CDKAL1: variants seen among roughly 807,000 people sequenced by gnomAD.
CDKAL1 encodes the protein CDKAL1 threonylcarbamoyladenosine tRNA methylthiotransferase, also known as threonylcarbamoyladenosine tRNA methylthiotransferase.
Under a neutral mutation model 68.2 loss-of-function variants are expected in CDKAL1, and 32 were observed. The ratio of observed to expected loss-of-function variants is 0.47; its 90% CI spans 0.35 to 0.63. The LOEUF (loss-of-function observed/expected upper bound fraction) is 0.63. Among genes scored for constraint, CDKAL1 ranks in the 30% least tolerant of loss-of-function variants. CDKAL1 has a pLI of 0.00. For synonymous variants in CDKAL1, 234 were observed against 244.3 expected (o/e 0.96, Z 0.39); for missense variants, 606 against 696.7 (o/e 0.87, Z 1.47).
Position 20,820,502 on chromosome 6 carries a change from G to A in CDKAL1, c.639-25573G>A, listed in dbSNP as rs949457448. 2.5e-4 allele frequency among the ~76,000 whole-genome samples: 38 copies of A among 152,114 alleles called. 1 individual carries two copies. Among genetic ancestry groups the A allele is most frequent in the African/African-American group, 8.9e-4 (37 of 41,420 alleles). ...CAAAAAGCTAGTAAAATACCAGGTT[G>A]GAATTCTTATCCACCAGGCTAACTT... On this transcript the variant is annotated intron_variant, in intron 8 of 15. Coordinates refer to ENST00000274695, the MANE Select transcript of CDKAL1 (RefSeq NM_017774.3).
intron 9 of CDKAL1, among the ~76,000 whole-genome samples, chr6:20,933,510 A>G (rs955188434): frequency 1.3e-5 from 2 of 152,266 alleles, no homozygotes; most frequent in African/African-American, 4.8e-5. Flanking sequence ...TAATGTATTC[A>G]CTGTAAAGTC....
chr6:20,826,970 A>G (rs971087198), intron 8 of CDKAL1, among the ~76,000 whole-genome samples: 1 of 152,188 alleles, frequency 6.6e-6, no homozygotes, highest in Non-Finnish European at 1.5e-5. Flanking sequence ...TCATTAGTAT[A>G]TCTAATTCTG....
At chr6:20,779,619 G>A (rs4076137) in intron 7 of CDKAL1, among the ~76,000 whole-genome samples, 17,214 of 152,206 alleles carry the variant, frequency 0.11, 1,060 homozygotes, top group African/African-American at 0.15. Flanking sequence ...GAGTCTCGCT[G>A]TGTCACCCAG....
intron 8 of CDKAL1, among the ~76,000 whole-genome samples, chr6:20,801,725 T>G (rs1003948919): frequency 6.6e-6 from 1 of 152,202 alleles, no homozygotes; most frequent in African/African-American, 2.4e-5. Flanking sequence ...CCAGATAGTA[T>G]TTACATAATT....
rs983248649 is a variant in CDKAL1, at chr6:20,859,421, A to G, written c.742+13243A>G. Among the ~76,000 whole-genome samples the G allele has an allele frequency of 6.6e-5, 10 of 152,318 alleles. No individual in the cohort carries two copies. In the East Asian group the frequency reaches 1.2e-3, roughly 18 times the overall value. On this transcript the variant is annotated intron_variant, in intron 9 of 15. Transcript: ENST00000274695. Reference sequence around the variant, plus strand: ...CTTAACTACAAATCTATGAATACGTAAAAGAACTGCGGAATAGGAGGAAGC... The same window carrying G: ...CTTAACTACAAATCTATGAATACGTGAAAGAACTGCGGAATAGGAGGAAGC...
At chr6:21,011,042 A>T (rs1232560753) in intron 11 of CDKAL1, among the ~76,000 whole-genome samples, 1 of 142,034 alleles carries the variant, frequency 7.0e-6, no homozygotes, top group Admixed American at 7.4e-5. Context: ...AGATCGCACC[A>T]CTGCACTCCA....
intron 11 of CDKAL1, among the ~76,000 whole-genome samples, chr6:21,013,094 C>A (rs1203990885): frequency 1.3e-5 from 2 of 152,160 alleles, no homozygotes; most frequent in African/African-American, 2.4e-5. Context: ...CACTCTTAAT[C>A]CCATCTCTGC....
At chr6:20,968,255 C>G (rs1253423384) in intron 10 of CDKAL1, among the ~76,000 whole-genome samples, 1 of 150,700 alleles carries the variant, frequency 6.6e-6, no homozygotes, top group Non-Finnish European at 1.5e-5. Context: ...ACTTCCTGGG[C>G]TCAAGCACTT....
At chr6:20,609,317 CT>C (rs1766494697) in intron 4 of CDKAL1, among the ~76,000 whole-genome samples, 1 of 66,644 alleles carries the variant, frequency 1.5e-5, no homozygotes, top group Admixed American at 1.9e-4. Context: ...CTCCTCCCCC[CT>C]CCTCTCTCCC....
In CDKAL1 at chr6:20,708,351, GC is replaced by G. The variant is rs569378301; in HGVS notation, c.372-31167del. 1.1e-4 allele frequency among the ~76,000 whole-genome samples: 17 copies of G among 152,132 alleles called. No homozygotes were observed. In the East Asian group the frequency reaches 3.3e-3, roughly 29 times the overall value. On this transcript the variant is annotated intron_variant, in intron 5 of 15. Coordinates refer to ENST00000274695, the MANE Select transcript of CDKAL1 (RefSeq NM_017774.3). Reference sequence around the variant, plus strand: ...TTCATTTAAAGTTTTCTCTCTCCTTGCAAGGCCTACTTTACTATATATGACA... The same window carrying G: ...TTCATTTAAAGTTTTCTCTCTCCTTGAAGGCCTACTTTACTATATATGACA...
intron 15 of CDKAL1, among the ~76,000 whole-genome samples, chr6:21,212,695 A>C (rs9358398): frequency 0.34 from 51,883 of 151,962 alleles, 9,078 homozygotes; most frequent in East Asian, 0.49. Context: ...AATGTTTAAA[A>C]TTTTTTTCAT....
intron 13 of CDKAL1, among the ~76,000 whole-genome samples, chr6:21,197,167 A>AAAT (rs1554195096): frequency 1.1e-3 from 171 of 150,700 alleles, no homozygotes; most frequent in African/African-American, 3.7e-3. Context: ...CAAAAAAAAA[A>AAAT]AATAATAATA....
At chr6:20,787,517 T>C (rs1443275043) in intron 8 of CDKAL1, among the ~76,000 whole-genome samples, 1 of 152,212 alleles carries the variant, frequency 6.6e-6, no homozygotes, top group Non-Finnish European at 1.5e-5. Flanking sequence ...GCTGGCACGG[T>C]CCAGCTGTTC....
intron 9 of CDKAL1, among the ~76,000 whole-genome samples, chr6:20,913,416 G>T (rs1325308409): frequency 3.3e-5 from 5 of 152,120 alleles, no homozygotes; most frequent in Admixed American, 3.3e-4. Context: ...CCCTCAGTTT[G>T]TGGGCCTCTC....
chr6:20,945,274 C>T (rs1764181383), intron 9 of CDKAL1, among the ~76,000 whole-genome samples: 2 of 152,036 alleles, frequency 1.3e-5, no homozygotes, highest in African/African-American at 4.8e-5. Context: ...AGGAAATGCT[C>T]ATTGGAGAAC....
Position 20,688,025 on chromosome 6 carries a change from T to TA in CDKAL1, c.371+38649dup, listed in dbSNP as rs528537813. ...TATGTTGTTGTTTTTTCTTTTTTTT[T>TA]ATCAACACTTTATTTTACTTTACCA... On this transcript the variant is annotated intron_variant, in intron 5 of 15. Coordinates refer to ENST00000274695, the MANE Select transcript of CDKAL1 (RefSeq NM_017774.3). Among the ~76,000 whole-genome samples the TA allele has an allele frequency of 8.1e-4, 123 of 151,896 alleles. 1 individual carries two copies. Among genetic ancestry groups the TA allele is most frequent in the African/African-American group, 2.9e-3 (120 of 41,442 alleles).
chr6:21,048,604 G>T (rs1770374209), intron 11 of CDKAL1, among the ~76,000 whole-genome samples: 1 of 152,146 alleles, frequency 6.6e-6, no homozygotes, highest in Non-Finnish European at 1.5e-5. Flanking sequence ...AACTTGAAAT[G>T]TAATGTTTCT....
intron 8 of CDKAL1, among the ~76,000 whole-genome samples, chr6:20,792,189 A>G (rs1581589267): frequency 6.6e-6 from 1 of 152,266 alleles, no homozygotes. Context: ...ACCCTGACAA[A>G]GCAGAATGTT....
At chr6:20,886,023 C>T (rs559498216) in intron 9 of CDKAL1, among the ~76,000 whole-genome samples, 1 of 152,228 alleles carries the variant, frequency 6.6e-6, no homozygotes, top group Admixed American at 6.5e-5. Context: ...AGAAACAGAG[C>T]AAGACGCCAT....
Sources: gnomAD v4.1 joint callset for allele counts (sites outside exome capture counted in the v4.1 genomes callset) on GRCh38, gnomAD v4.1.1 for gene constraint, MANE v1.5 for transcripts, NCBI Gene and HGNC (gene_info 2026-07-23, HGNC 2026-07-21) for gene names.